The following NCOA2 variants were observed in gnomAD, a reference collection of about 807,000 sequenced individuals.
The protein encoded by NCOA2 is nuclear receptor coactivator 2, also known as class E basic helix-loop-helix protein 75.
A neutral mutation model predicts 145.1 loss-of-function variants in NCOA2; 21 were observed. The observed-to-expected ratio is 0.14, with a 90% CI of 0.10 to 0.21. The LOEUF is 0.21. NCOA2 is among the 10% of genes least tolerant of loss of function. The pLI is 1.00. For missense variants in NCOA2, 1,472 were observed against 1,837.6 expected (o/e 0.80, Z 3.64); for synonymous variants, 619 against 637.5 (o/e 0.97, Z 0.44).
chr8:70,310,890 C>T (rs777695351), intron 1 of NCOA2, among the ~76,000 whole-genome samples: 10 of 152,280 alleles, frequency 6.6e-5, no homozygotes, highest in Non-Finnish European at 1.3e-4. Context: ...ATTCAAATTT[C>T]ATACAATGCC....
intron 4 of NCOA2, among the ~76,000 whole-genome samples, chr8:70,202,411 T>C (rs184637091): frequency 2.3e-4 from 35 of 152,324 alleles, no homozygotes; most frequent in African/African-American, 7.2e-4. Flanking sequence ...CAGTATTTTA[T>C]TCATAACAGC....
chr8:70,222,528 A>T (rs1345798912), intron 2 of NCOA2, among the ~76,000 whole-genome samples: 1 of 152,200 alleles, frequency 6.6e-6, no homozygotes, highest in Non-Finnish European at 1.5e-5. Context: ...TAATGGCCTT[A>T]AAGTGGTATA....
intron 1 of NCOA2, among the ~76,000 whole-genome samples, chr8:70,325,086 A>T (rs2136215477): frequency 6.6e-6 from 1 of 152,294 alleles, no homozygotes; most frequent in Middle Eastern, 3.4e-3. Flanking sequence ...CATTACTGTT[A>T]TTCCTATCTT....
chr8:70,271,397 T>C (rs556038612), intron 2 of NCOA2, among the ~76,000 whole-genome samples: 5 of 152,370 alleles, frequency 3.3e-5, no homozygotes, highest in African/African-American at 1.2e-4. Context: ...GCTATGTTTA[T>C]GTGAAGACTG....
chr8:70,252,274 T>C (rs1823253570), intron 2 of NCOA2, among the ~76,000 whole-genome samples: 1 of 152,142 alleles, frequency 6.6e-6, no homozygotes, highest in Admixed American at 6.5e-5. Context: ...ATCATACTAC[T>C]TAAGTAGTGG....
At chr8:70,344,692 G>A (rs1808457727) in intron 1 of NCOA2, among the ~76,000 whole-genome samples, 2 of 152,116 alleles carry the variant, frequency 1.3e-5, no homozygotes, top group Non-Finnish European at 1.5e-5. Context: ...AGCAGGACTG[G>A]GGGGAGTAAA....
the NCOA2 span, among the ~76,000 whole-genome samples, chr8:70,434,777 C>T: frequency 2.0e-5 from 3 of 152,230 alleles, no homozygotes; most frequent in Non-Finnish European, 4.4e-5. Flanking sequence ...TACTGTGTTG[C>T]TCAGCCTGGT....
At chr8:70,328,243 C>T (rs10504472) in intron 1 of NCOA2, among the ~76,000 whole-genome samples, 12,573 of 152,172 alleles carry the variant, frequency 0.083, 599 homozygotes, top group East Asian at 0.12. Context: ...TGTAAACCAT[C>T]GAATGAATAC....
chr8:70,300,427 A>T (rs1427514526), intron 1 of NCOA2, among the ~76,000 whole-genome samples: 2 of 152,170 alleles, frequency 1.3e-5, no homozygotes, highest in African/African-American at 4.8e-5. Flanking sequence ...CCGCGTGAGT[A>T]GGGATCTAAG....
chr8:70,210,544 A>G (rs1818906965), intron 4 of NCOA2, among the ~76,000 whole-genome samples: 1 of 152,212 alleles, frequency 6.6e-6, no homozygotes, highest in Non-Finnish European at 1.5e-5. Flanking sequence ...CACGGGTCTC[A>G]TAAAGCGCTA....
intron 2 of NCOA2, among the ~76,000 whole-genome samples, chr8:70,241,812 G>A (rs191658611): frequency 6.6e-6 from 1 of 152,248 alleles, no homozygotes; most frequent in East Asian, 1.9e-4. Context: ...CCATAGAACA[G>A]GACCTGGCAT....
At chr8:70,273,961 C>T (rs1193020777) in intron 2 of NCOA2, 2 of 365,254 alleles carry the variant, frequency 5.5e-6, no homozygotes, top group East Asian at 1.4e-4. Context: ...CTGATAAAAT[C>T]TAGATCTCTA....
At chr8:70,455,592 G>C in the NCOA2 span, among the ~76,000 whole-genome samples, 1 of 151,498 alleles carries the variant, frequency 6.6e-6, no homozygotes, top group African/African-American at 2.4e-5. Context: ...ACTGAAGAGT[G>C]TATGGGATTC....
At chr8:70,401,856 T>C (rs961478833) in intron 1 of NCOA2, 2 of 152,244 alleles carry the variant, frequency 1.3e-5, no homozygotes, top group Admixed American at 1.3e-4. Flanking sequence ...GCATATGCCA[T>C]TTTAGAAACC....
At chr8:70,357,893 A>G (rs903998756) in intron 1 of NCOA2, among the ~76,000 whole-genome samples, 1 of 151,748 alleles carries the variant, frequency 6.6e-6, no homozygotes, top group East Asian at 1.9e-4. Flanking sequence ...TCTACTAAAA[A>G]TACAAAAATT....
the NCOA2 span, among the ~76,000 whole-genome samples, chr8:70,454,278 A>G: frequency 6.6e-6 from 1 of 152,226 alleles, no homozygotes; most frequent in Admixed American, 6.5e-5. Flanking sequence ...AACACAGTCA[A>G]TTCACAGGAA....
chr8:70,290,590 G>T (rs1302007394), intron 2 of NCOA2, among the ~76,000 whole-genome samples: 1 of 152,058 alleles, frequency 6.6e-6, no homozygotes, highest in Admixed American at 6.6e-5. Flanking sequence ...AATTTGCAAA[G>T]CTTACTGTTA....
At chr8:70,418,938 A>G in the NCOA2 span, among the ~76,000 whole-genome samples, 1 of 152,168 alleles carries the variant, frequency 6.6e-6, no homozygotes, top group African/African-American at 2.4e-5. Context: ...TATAAACATA[A>G]TACCAGCAAT....
chr8:70,270,571 G>C (rs114460649), intron 2 of NCOA2, among the ~76,000 whole-genome samples: 6 of 152,024 alleles, frequency 3.9e-5, no homozygotes, highest in African/African-American at 1.5e-4. Flanking sequence ...GGCTGGCGGG[G>C]GTGGGGGGAT....
Sources: allele counts gnomAD v4.1 joint callset (sites outside exome capture counted in the v4.1 genomes callset), GRCh38; gene constraint gnomAD v4.1.1; transcripts MANE v1.5; gene names NCBI Gene and HGNC (gene_info 2026-07-23, HGNC 2026-07-21).